Variants in RWDD2B observed in about 807,000 individuals in gnomAD.
RWDD2B encodes the protein RWD domain containing 2B.
RWDD2B carries 36 observed loss-of-function variants against 33.6 expected under a neutral mutation model. That is an observed-to-expected ratio of 1.07 (90% CI 0.82 to 1.42). The LOEUF (loss-of-function observed/expected upper bound fraction) is 1.42, where lower values mean the gene tolerates loss of function less well. Ranked by LOEUF, RWDD2B falls within the 40% of genes most tolerant of loss-of-function variation. RWDD2B has a pLI of 0.00. For synonymous variants in RWDD2B, 126 were observed against 133.1 expected (o/e 0.95, Z 0.37); for missense variants, 364 against 377.5 (o/e 0.96, Z 0.30).
rs534696334 is a variant in RWDD2B, at chr21:29,006,217, G to C, written c.*200C>G. 3 of 445,150 alleles carry C rather than the reference G, an allele frequency of 6.7e-6. No individual in the cohort carries two copies. In the South Asian group the frequency reaches 1.4e-4, roughly 20 times the overall value. The allele number at this position is 445,150 out of a possible 1,614,324, so 27.6% of individuals were successfully genotyped here. ...AAGAAATATCTAACAACAATTTTAA[G>C]GTTGTAATTTGAAACTCAGTTCTGC... On this transcript the variant is annotated 3_prime_UTR_variant, in exon 5 of 5. Transcript: ENST00000493196.
At chr21:29,017,174 T>C (rs1288749756) in intron 1 of RWDD2B, among the ~76,000 whole-genome samples, 2 of 152,016 alleles carry the variant, frequency 1.3e-5, no homozygotes, top group Non-Finnish European at 2.9e-5. Flanking sequence ...TCCGGCTGCT[T>C]ATTACTATTA....
chr21:29,006,364 A>G lies in RWDD2B; in HGVS notation c.*53T>C, dbSNP rs953794627. The G allele has an allele frequency of 5.0e-5, 58 of 1,170,448 alleles. No individual in the cohort carries two copies. Among genetic ancestry groups the G allele is most frequent in the Non-Finnish European group, 6.6e-5 (55 of 827,300 alleles). The allele number at this position is 1,170,448 out of a possible 1,614,324, so 72.5% of individuals were successfully genotyped here. ...ACTTAATCTTTCAAGAAAAAGTGGG[A>G]AAAAAAAATCAAAAGGCCAACAGTG... On this transcript the variant is annotated 3_prime_UTR_variant, in exon 5 of 5. Transcript: ENST00000493196.
intron 4 of RWDD2B, among the ~76,000 whole-genome samples, chr21:29,007,418 G>A (rs966834459): frequency 1.3e-5 from 2 of 152,180 alleles, no homozygotes; most frequent in East Asian, 3.8e-4. Context: ...GCTTAACAAC[G>A]GGGATACATT....
rs1401338451 is a variant in RWDD2B, at chr21:29,011,509, C to T, written c.68-2888G>A. On this transcript the variant is annotated intron_variant, in intron 1 of 4. Transcript: ENST00000493196. ...CTGGGAAGTGAGGAGCGTCTCTACC[C>T]GGCAGCCACCTCGTCCGGAAGGGAG... Among the ~76,000 whole-genome samples the T allele has an allele frequency of 4.0e-5, 6 of 151,518 alleles. No homozygotes were observed. In the East Asian group the frequency reaches 7.8e-4, roughly 20 times the overall value.
chr21:29,007,685 C>G (rs991231802), intron 4 of RWDD2B, 76 bp downstream of exon 4: 10 of 1,499,414 alleles, frequency 6.7e-6, no homozygotes, highest in Non-Finnish European at 7.1e-6. Flanking sequence ...CAAAACGTCA[C>G]TAGGCAGCAC....
intron 1 of RWDD2B, among the ~76,000 whole-genome samples, chr21:29,011,590 G>A (rs2084860342): frequency 7.0e-6 from 1 of 143,534 alleles, no homozygotes; most frequent in Non-Finnish European, 1.5e-5. Context: ...AGGGAGGTGG[G>A]GGGGGTCAGC....
At chr21:29,015,871 A>T (rs1316381222) in intron 1 of RWDD2B, among the ~76,000 whole-genome samples, 3 of 152,088 alleles carry the variant, frequency 2.0e-5, no homozygotes, top group Admixed American at 6.6e-5. Context: ...AAGCAATCCT[A>T]ATTAGGCGAG....
chr21:29,008,048 A>G lies in RWDD2B; in HGVS notation c.438T>C (p.His146=). Residue 146 remains histidine (H), a synonymous_variant, in exon 4 of 5, where the codon CAT becomes CAC. Transcript: ENST00000493196. ...TGGCATTCAGTATACAAACATCTCC[A>G]TGACAATGTTTTTGCAGGAATGCAG... ...DLTAFLQKHC[H]GDVCILNATE... 1.9e-6 allele frequency: 3 copies of G among 1,613,910 alleles called. No homozygotes were observed. The highest frequency in any genetic ancestry group is 2.5e-6 in the Non-Finnish European group (3 of 1,179,744).
chr21:29,006,529 C>A lies in RWDD2B; in HGVS notation c.848G>T (p.Ser283Ile). ...GTGGTTTCCCCTGGCTCCATTAACA[C>A]TGAACACTTTTTCTTCAAAAATGGA... ...KFSIFEEKVF[S>I]VNGARGNHMD... The change falls in exon 5 of 5, where the codon AGT (serine) becomes ATT (isoleucine). Residue 283 changes from serine (S) to isoleucine (I), a missense_variant. Transcript: ENST00000493196. 1 of 1,613,166 alleles carries A rather than the reference C, an allele frequency of 6.2e-7. No homozygotes were observed. The highest frequency in any genetic ancestry group is 2.2e-5 in the East Asian group (1 of 44,864).
chr21:29,013,805 G>A (rs2084876713), intron 1 of RWDD2B, among the ~76,000 whole-genome samples: 1 of 151,480 alleles, frequency 6.6e-6, no homozygotes, highest in African/African-American at 2.4e-5. Context: ...TAATTTATAT[G>A]CCATACCATA....
In RWDD2B at chr21:29,008,135, G is replaced by T. The variant is rs776361862; in HGVS notation, c.363-12C>A. Reference sequence around the variant, plus strand: ...TCAATAATACTGATCTAATAGAAAAGATACAAGAAAAATATTGTCTTGGAA... The same window carrying T: ...TCAATAATACTGATCTAATAGAAAATATACAAGAAAAATATTGTCTTGGAA... On this transcript the variant is annotated splice_polypyrimidine_tract_variant and intron_variant, in intron 3 of 4. Transcript: ENST00000493196. The T allele has an allele frequency of 5.6e-6, 9 of 1,610,194 alleles. No homozygotes were observed. Among genetic ancestry groups the T allele is most frequent in the Non-Finnish European group, 7.6e-6 (9 of 1,178,426 alleles).
At chr21:29,009,285 A>T (rs575111346) in intron 1 of RWDD2B, among the ~76,000 whole-genome samples, 1 of 151,602 alleles carries the variant, frequency 6.6e-6, no homozygotes, top group Admixed American at 6.6e-5. Flanking sequence ...AGGTCTTGCT[A>T]TGTTGTCCAG....
In RWDD2B at chr21:29,019,189, C is replaced by A. The variant is rs115143768; in HGVS notation, c.67+22G>T. On this transcript the variant is annotated intron_variant, in intron 1 of 4. Transcript: ENST00000493196. ...AAACCCCCGTGGCGGTCACCACTGGCGCTAGCTGAGGCGAGACTCACCTTG... is the reference window on the plus strand; with the variant it reads ...AAACCCCCGTGGCGGTCACCACTGGAGCTAGCTGAGGCGAGACTCACCTTG... 1.5e-3 allele frequency: 2,428 copies of A among 1,580,856 alleles called. 48 individuals are homozygous for A. The African/African-American group carries it at 0.028, about 18-fold the overall frequency.
At chr21:29,017,947 T>C (rs912784502) in intron 1 of RWDD2B, among the ~76,000 whole-genome samples, 2 of 152,226 alleles carry the variant, frequency 1.3e-5, no homozygotes, top group Non-Finnish European at 2.9e-5. Flanking sequence ...GGGCAGTTTA[T>C]GTTGGGACTA....
chr21:29,012,196 G>A (rs2146338531), intron 1 of RWDD2B, among the ~76,000 whole-genome samples: 1 of 150,582 alleles, frequency 6.6e-6, no homozygotes, highest in South Asian at 2.1e-4. Context: ...CGGGAGGTGA[G>A]GGGCGCCTCT....
intron 1 of RWDD2B, among the ~76,000 whole-genome samples, chr21:29,014,817 T>A (rs909422134): frequency 6.6e-6 from 1 of 152,100 alleles, no homozygotes; most frequent in African/African-American, 2.4e-5. Context: ...CGAGACTCCT[T>A]CTAAAAATAA....
chr21:29,014,698 G>A (rs1204694247), intron 1 of RWDD2B, among the ~76,000 whole-genome samples: 2 of 152,166 alleles, frequency 1.3e-5, no homozygotes, highest in African/African-American at 2.4e-5. Flanking sequence ...GCGGGCACCT[G>A]TAGTCCCAGC....
At position 29,010,813 on chromosome 21, in the gene RWDD2B, G is replaced by A. The variant is rs1162573681; in HGVS notation, c.68-2192C>T. 3.7e-4 allele frequency among the ~76,000 whole-genome samples: 55 copies of A among 150,054 alleles called. No homozygotes were observed. In the East Asian group the frequency reaches 0.011, roughly 30 times the overall value. ...CTGCCGAGTGCCTGCGATTGCAGGC[G>A]CGCGCCGCCACCCCTGACTGGTTTT... On this transcript the variant is annotated intron_variant, in intron 1 of 4. Coordinates refer to ENST00000493196, the MANE Select transcript of RWDD2B (RefSeq NM_016940.3).
intron 4 of RWDD2B, among the ~76,000 whole-genome samples, chr21:29,007,040 A>G (rs1026520415): frequency 6.6e-6 from 1 of 152,254 alleles, no homozygotes; most frequent in African/African-American, 2.4e-5. Flanking sequence ...AAATGTAGGA[A>G]TTACTGAATC....
Sources: gnomAD v4.1 joint callset for allele counts (sites outside exome capture counted in the v4.1 genomes callset) on GRCh38, gnomAD v4.1.1 for gene constraint, MANE v1.5 for transcripts, NCBI Gene and HGNC (gene_info 2026-07-23, HGNC 2026-07-21) for gene names.